The following SOX6 variants were observed in gnomAD, a reference collection of about 807,000 sequenced individuals.
SOX6 encodes transcription factor SOX-6.
A neutral mutation model predicts 97.8 loss-of-function variants in SOX6; 11 were observed. That is an observed-to-expected ratio of 0.11 (90% CI 0.07 to 0.19). The LOEUF (loss-of-function observed/expected upper bound fraction) is 0.19, where lower values mean the gene tolerates loss of function less well. Ranked by LOEUF, SOX6 falls within the 10% of genes least tolerant of loss-of-function variation. SOX6 has a pLI of 1.00. For synonymous variants in SOX6, 360 were observed against 371.4 expected (o/e 0.97, Z 0.35); for missense variants, 810 against 1,039.5 (o/e 0.78, Z 3.04).
chr11:16,653,603 G>A (rs1258219526), intron 3 of SOX6, among the ~76,000 whole-genome samples: 17 of 152,084 alleles, frequency 1.1e-4, no homozygotes, highest in Non-Finnish European at 4.4e-5. Flanking sequence ...TTATACAATG[G>A]ACTTTGGGGA....
chr11:16,263,190 C>T (rs1853956414), intron 3 of SOX6, among the ~76,000 whole-genome samples: 1 of 151,848 alleles, frequency 6.6e-6, no homozygotes, highest in African/African-American at 2.4e-5. Context: ...GTGATGAACT[C>T]TAAACTTAAA....
chr11:16,617,227 G>A (rs921025569), intron 3 of SOX6, among the ~76,000 whole-genome samples: 45 of 151,858 alleles, frequency 3.0e-4, no homozygotes, highest in Non-Finnish European at 4.9e-4. Context: ...GGGAAGGGAG[G>A]AAGAAAACAA....
At chr11:16,187,330 C>T (rs1427332564) in intron 4 of SOX6, among the ~76,000 whole-genome samples, 1 of 152,088 alleles carries the variant, frequency 6.6e-6, no homozygotes, top group African/African-American at 2.4e-5. Context: ...ATTCTATAAT[C>T]ACCTCTAAGC....
chr11:16,285,780 AG>A (rs1854718703), intron 3 of SOX6, among the ~76,000 whole-genome samples: 1 of 152,150 alleles, frequency 6.6e-6, no homozygotes. Context: ...AATCAATAAA[AG>A]TTATTTCAAC....
intron 3 of SOX6, chr11:16,314,463 C>A (rs1855704776): frequency 6.6e-6 from 1 of 152,044 alleles, no homozygotes; most frequent in African/African-American, 2.4e-5. Context: ...ATACTAGAAA[C>A]TGAATTAGAG....
chr11:16,433,370 A>G (rs1417551413), intron 1 of SOX6, among the ~76,000 whole-genome samples: 1 of 152,066 alleles, frequency 6.6e-6, no homozygotes, highest in Non-Finnish European at 1.5e-5. Flanking sequence ...AACAAATACA[A>G]TTGTGAGTAT....
intron 2 of SOX6, among the ~76,000 whole-genome samples, chr11:16,725,750 G>C (rs953451256): frequency 2.0e-5 from 3 of 151,940 alleles, no homozygotes; most frequent in African/African-American, 7.3e-5. Flanking sequence ...GTTAGCTAAG[G>C]ATTTAAGTCA....
At chr11:16,132,444 A>AAAGAAAG (rs1554933993) in intron 6 of SOX6, among the ~76,000 whole-genome samples, 12 of 27,230 alleles carry the variant, frequency 4.4e-4, no homozygotes, top group African/African-American at 1.7e-3. Context: ...AAAGAAAGAA[A>AAAGAAAG]AAAGAAAGAA....
At chr11:16,517,714 T>A (rs1156348501) in intron 4 of SOX6, among the ~76,000 whole-genome samples, 2 of 152,180 alleles carry the variant, frequency 1.3e-5, no homozygotes, top group Non-Finnish European at 2.9e-5. Context: ...AAAATATAAC[T>A]GTCACTATGA....
Position 16,541,600 on chromosome 11 carries a change from G to A in SOX6, n.610-65212C>T, listed in dbSNP as rs945925189. On this transcript the variant is annotated intron_variant and non_coding_transcript_variant, in intron 4 of 5. Transcript: ENST00000524520. ...AGGACTAATATCCAGAATCTACAAA[G>A]AAGTTAAACAAATTTACAAGAAAAA... Among the ~76,000 whole-genome samples, 49 of 151,796 alleles carry A rather than the reference G, an allele frequency of 3.2e-4. 1 individual carries two copies. Among genetic ancestry groups the A allele is most frequent in the Non-Finnish European group, 1.3e-4 (9 of 67,950 alleles).
intron 3 of SOX6, among the ~76,000 whole-genome samples, chr11:16,627,592 C>T (rs35707487): frequency 0.17 from 25,314 of 152,120 alleles, 2,209 homozygotes; most frequent in Non-Finnish European, 0.18. Context: ...CACTTGTATG[C>T]CTTCTTTTGA....
intron 1 of SOX6, among the ~76,000 whole-genome samples, chr11:16,386,991 T>C (rs1260674536): frequency 6.6e-6 from 1 of 152,126 alleles, no homozygotes; most frequent in Non-Finnish European, 1.5e-5. Flanking sequence ...GTAAAAGGCA[T>C]TCATTAATAA....
Position 15,989,141 on chromosome 11 carries a change from A to T in SOX6, c.1822T>A (p.Tyr608Asn), listed in dbSNP as rs763449652. 1.2e-5 allele frequency: 19 copies of T among 1,614,162 alleles called. No individual in the cohort carries two copies. Among genetic ancestry groups the T allele is most frequent in the Non-Finnish European group, 8.5e-6 (10 of 1,180,010 alleles). The change falls in exon 14 of 16, where the codon TAC (tyrosine) becomes AAC (asparagine). Residue 608 changes from tyrosine to asparagine, a missense_variant. By Grantham distance (143) the Tyr-to-Asn change is moderately radical. Transcript: ENST00000683767. ...GGATVAEARV[Y>N]RDARGRASSE... is the part of the protein sequence containing the mutation. ...CTGGCACGGCCGCGGGCGTCCCTGT[A>T]GACTCGTGCTTCAGCCACAGTGGCA...
intron 4 of SOX6, among the ~76,000 whole-genome samples, chr11:16,482,531 T>C (rs548002320): frequency 2.0e-4 from 31 of 152,318 alleles, no homozygotes; most frequent in African/African-American, 7.2e-4. Context: ...TCTTGGAAGC[T>C]CAAATTTTAT....
At chr11:16,532,212 A>AT (rs1861246229) in intron 4 of SOX6, among the ~76,000 whole-genome samples, 1 of 151,676 alleles carries the variant, frequency 6.6e-6, no homozygotes, top group Non-Finnish European at 1.5e-5. Context: ...CTTCAAATTC[A>AT]TTTTTTTAAG....
At chr11:16,113,561 G>T (rs1849279267) in intron 6 of SOX6, among the ~76,000 whole-genome samples, 1 of 152,082 alleles carries the variant, frequency 6.6e-6, no homozygotes, top group South Asian at 2.1e-4. Flanking sequence ...AGAGACGAGG[G>T]CACTATTCTA....
chr11:16,033,142 C>A (rs1413936214), intron 12 of SOX6, among the ~76,000 whole-genome samples: 15 of 152,174 alleles, frequency 9.9e-5, no homozygotes, highest in Admixed American at 9.8e-4. Context: ...TAACACCTAA[C>A]CCATACATCA....
intron 1 of SOX6, among the ~76,000 whole-genome samples, chr11:16,387,066 C>CACACATGTGGGTTAATGTCCTCGTATCTT (rs1858009860): frequency 2.0e-5 from 3 of 152,148 alleles, no homozygotes; most frequent in Non-Finnish European, 4.4e-5. Context: ...ACATGTATCT[C>CACACATGTGGGTTAATGTCCTCGTATCTT]ACACATGTGG....
chr11:16,506,473 C>T (rs540613680), intron 4 of SOX6, among the ~76,000 whole-genome samples: 96 of 152,232 alleles, frequency 6.3e-4, no homozygotes, highest in Non-Finnish European at 1.3e-3. Flanking sequence ...AAGGGACTTG[C>T]CTTGTCTCAG....
Sources: allele counts gnomAD v4.1 joint callset (sites outside exome capture counted in the v4.1 genomes callset), GRCh38; gene constraint gnomAD v4.1.1; transcripts MANE v1.5; gene names NCBI Gene and HGNC (gene_info 2026-07-23, HGNC 2026-07-21).